The following ZEB2 variants were observed in gnomAD, a reference collection of about 807,000 sequenced individuals.
ZEB2 encodes the protein zinc finger E-box binding homeobox 2, also known as zinc finger E-box-binding homeobox 2.
Under a neutral mutation model 99.9 loss-of-function variants are expected in ZEB2, and 6 were observed. That is an observed-to-expected ratio of 0.06 (90% CI 0.03 to 0.12). The LOEUF is 0.12. Among genes scored for constraint, ZEB2 ranks in the 10% least tolerant of loss-of-function variants. ZEB2 has a pLI of 1.00. For missense variants in ZEB2, 969 were observed against 1,502.8 expected (o/e 0.64, Z 5.87); for synonymous variants, 517 against 542.5 (o/e 0.95, Z 0.65).
At chr2:144,476,698 T>C (rs1368922270) in intron 2 of ZEB2, among the ~76,000 whole-genome samples, 2 of 152,232 alleles carry the variant, frequency 1.3e-5, no homozygotes. Context: ...TTTTATTGTT[T>C]CACTAAGTTC....
intron 9 of ZEB2, among the ~76,000 whole-genome samples, chr2:144,395,561 T>C (rs772094139): frequency 7.9e-5 from 12 of 151,972 alleles, no homozygotes; most frequent in Non-Finnish European, 1.0e-4. Context: ...TGGAGAAGAA[T>C]TGGAGATGGG....
intron 2 of ZEB2, chr2:144,430,750 C>G (rs1204580790): frequency 2.6e-5 from 4 of 155,096 alleles, no homozygotes. Context: ...CTCACAAGAA[C>G]CGGCGGGCTG....
At chr2:144,435,779 T>A (rs1414023726) in intron 2 of ZEB2, among the ~76,000 whole-genome samples, 1 of 152,102 alleles carries the variant, frequency 6.6e-6, no homozygotes, top group Non-Finnish European at 1.5e-5. Flanking sequence ...TTCTAAGACT[T>A]TTCTCCTGAA....
At chr2:144,457,783 C>T (rs1337754928) in intron 2 of ZEB2, among the ~76,000 whole-genome samples, 1 of 152,094 alleles carries the variant, frequency 6.6e-6, no homozygotes, top group South Asian at 2.1e-4. Flanking sequence ...CATATTTACT[C>T]TCATCTCCCA....
chr2:144,450,399 T>C (rs1188367175), intron 2 of ZEB2: 1 of 152,170 alleles, frequency 6.6e-6, no homozygotes, highest in African/African-American at 2.4e-5. Flanking sequence ...TTCAAAAAAA[T>C]CAATCTCTTT....
chr2:144,475,890 G>A (rs558719563), intron 2 of ZEB2, among the ~76,000 whole-genome samples: 5 of 152,136 alleles, frequency 3.3e-5, no homozygotes, highest in Middle Eastern at 3.4e-3. Context: ...TATTTAACTC[G>A]CTTTCTCAAA....
At chr2:144,411,874 A>G (rs933319562) in intron 4 of ZEB2, among the ~76,000 whole-genome samples, 41 of 152,244 alleles carry the variant, frequency 2.7e-4, no homozygotes, top group African/African-American at 8.7e-4. Flanking sequence ...GAGATCTTAC[A>G]TTAGGGGATT....
At position 144,404,959 on chromosome 2, in the gene ZEB2, C is replaced by T. The variant is rs1703365159; in HGVS notation, c.469G>A (p.Asp157Asn). ...YFAKRKLEERDGHAVSIEEYL... is the reference protein window; with the variant it reads ...YFAKRKLEERNGHAVSIEEYL... ...TCCTCGATGCTGACTGCATGACCAT[C>T]GCGTTCCTCCAGTTTTCTTTTGGCA... Residue 157 changes from aspartate to asparagine, a missense_variant, in exon 5 of 10, where the codon GAT becomes AAT. By Grantham distance (23) the Asp-to-Asn change is conservative. Around this residue, in one of 8 missense-constraint regions of ZEB2, gnomAD observed 173 missense variants for 217.7 expected, o/e 0.79. Coordinates refer to ENST00000627532, the MANE Select transcript of ZEB2 (RefSeq NM_014795.4). 3.1e-6 allele frequency: 5 copies of T among 1,614,128 alleles called. No homozygotes were observed. The highest frequency in any genetic ancestry group is 1.3e-5 in the African/African-American group (1 of 74,950).
intron 2 of ZEB2, among the ~76,000 whole-genome samples, chr2:144,471,831 A>C (rs772961851): frequency 1.1e-4 from 17 of 151,392 alleles, no homozygotes; most frequent in Non-Finnish European, 2.4e-4. Flanking sequence ...TTTCAGACAA[A>C]TTTTCTTCAG....
At chr2:144,518,480 C>G (rs1339395390) in intron 1 of ZEB2, 1 of 152,186 alleles carries the variant, frequency 6.6e-6, no homozygotes, top group East Asian at 1.9e-4. Flanking sequence ...AACTGTAACA[C>G]AAGGGCCATT....
chr2:144,514,049 G>C (rs1380592218), intron 2 of ZEB2: 1 of 651,744 alleles, frequency 1.5e-6, no homozygotes. Context: ...CTTTCCATGT[G>C]GGGGAAAGGA....
At position 144,481,409 on chromosome 2, in the gene ZEB2, T is replaced by G. The variant is rs575404760; in HGVS notation, c.73+35869A>C. ...CCTGTTATGACTTTTAACCCCATTT[T>G]TATAGCAACATGGAAATTGTATTTC... On this transcript the variant is annotated intron_variant, in intron 2 of 9. Transcript: ENST00000627532. Among the ~76,000 whole-genome samples, 4 of 152,326 alleles carry G rather than the reference T, an allele frequency of 2.6e-5. No homozygotes were observed. In the South Asian group the frequency reaches 8.3e-4, roughly 32 times the overall value.
At chr2:144,476,446 T>A (rs1704431124) in intron 2 of ZEB2, among the ~76,000 whole-genome samples, 1 of 152,216 alleles carries the variant, frequency 6.6e-6, no homozygotes, top group Non-Finnish European at 1.5e-5. Context: ...AATATGTGCA[T>A]GCAAATTCAA....
At chr2:144,447,918 T>C (rs1369174199) in intron 2 of ZEB2, among the ~76,000 whole-genome samples, 1 of 152,246 alleles carries the variant, frequency 6.6e-6, no homozygotes, top group Non-Finnish European at 1.5e-5. Context: ...CTTCCTAACT[T>C]GTGACTTTTG....
chr2:144,511,753 G>GA, intron 2 of ZEB2: 1 of 1,285,420 alleles, frequency 7.8e-7, no homozygotes, highest in Non-Finnish European at 1.0e-6. Flanking sequence ...GCTTAAAAAT[G>GA]AAAAGGAAAA....
intron 2 of ZEB2, chr2:144,511,252 A>G (rs1051179931): frequency 1.1e-5 from 4 of 363,606 alleles, no homozygotes; most frequent in Non-Finnish European, 1.7e-5. Flanking sequence ...TATATGCATA[A>G]TATGTAGGAG....
chr2:144,424,527 C>A, intron 4 of ZEB2: 2 of 631,334 alleles, frequency 3.2e-6, no homozygotes. Flanking sequence ...GAAATTCACC[C>A]AACTCATGCA....
intron 2 of ZEB2, among the ~76,000 whole-genome samples, chr2:144,475,513 T>C (rs1322194658): frequency 1.3e-5 from 2 of 152,202 alleles, no homozygotes; most frequent in Non-Finnish European, 2.9e-5. Flanking sequence ...TATGTATGTA[T>C]ATATGTCATT....
Position 144,517,309 on chromosome 2 carries a change from C to T in ZEB2, c.42G>A (p.Arg14=). Residue 14 remains arginine (R), a synonymous_variant, in exon 2 of 10, where the codon AGG becomes AGA. Transcript: ENST00000627532. ...TCCTCCTGGGATTGGCTTGTTTGCG[C>T]CTCTTGCACCGGGGGCCATCCGCCA... ...PIMADGPRCK[R]RKQANPRRKN... 2 of 1,613,540 alleles carry T rather than the reference C, an allele frequency of 1.2e-6. No individual in the cohort carries two copies. The highest frequency in any genetic ancestry group is 1.7e-6 in the Non-Finnish European group (2 of 1,179,852).
Sources: gnomAD v4.1 joint callset for allele counts (sites outside exome capture counted in the v4.1 genomes callset) on GRCh38, gnomAD v4.1.1 for gene constraint, gnomAD v4.1.1 regional missense constraint, MANE v1.5 for transcripts, NCBI Gene and HGNC (gene_info 2026-07-23, HGNC 2026-07-21) for gene names.